AKR1B15: variants seen among roughly 807,000 people sequenced by gnomAD.
AKR1B15 encodes estradiol 17-beta-dehydrogenase AKR1B15.
In AKR1B15, 49 loss-of-function variants were observed where a neutral mutation model predicts 38.5. The observed-to-expected ratio is 1.27, with a 90% CI of 1.01 to 1.62. AKR1B15 has a LOEUF of 1.62. Ranked by LOEUF, AKR1B15 falls within the 40% of genes most tolerant of loss-of-function variation. The pLI, the probability that AKR1B15 is intolerant of heterozygous loss-of-function variation, is 0.00. For missense variants in AKR1B15, 411 were observed against 381.6 expected (o/e 1.08, Z -0.64); for synonymous variants, 137 against 135.5 (o/e 1.01, Z -0.08).
intron 3 of AKR1B15, 129 bp downstream of exon 3, chr7:134,564,898 T>C: frequency 1.9e-6 from 1 of 517,794 alleles, no homozygotes; most frequent in Admixed American, 3.4e-5. Flanking sequence ...CTTTTCTGTC[T>C]AGCTAGAGGA....
intron 1 of AKR1B15, among the ~76,000 whole-genome samples, chr7:134,552,126 A>G (rs1384335245): frequency 6.6e-6 from 1 of 152,174 alleles, no homozygotes; most frequent in African/African-American, 2.4e-5. Flanking sequence ...TAGGACAGAA[A>G]AGAGTAACCC....
chr7:134,564,440 G>A (rs1374669920), intron 2 of AKR1B15, among the ~76,000 whole-genome samples, 158 bp from the exon 3 acceptor site: 1 of 152,062 alleles, frequency 6.6e-6, no homozygotes, highest in East Asian at 1.9e-4. Context: ...ACAGGAAAAG[G>A]CTTCTGAAAT....
intron 2 of AKR1B15, among the ~76,000 whole-genome samples, chr7:134,558,297 C>T (rs1027927069): frequency 6.6e-6 from 1 of 152,228 alleles, no homozygotes; most frequent in South Asian, 2.1e-4. Flanking sequence ...ATCAATTACA[C>T]TGAAATGCCT....
At chr7:134,558,692 G>C (rs1186468507) in intron 2 of AKR1B15, among the ~76,000 whole-genome samples, 7 of 152,160 alleles carry the variant, frequency 4.6e-5, no homozygotes, top group African/African-American at 1.7e-4. Flanking sequence ...ATATTGGCCT[G>C]TCACCTGAGG....
intron 5 of AKR1B15, 89 bp downstream of exon 5, chr7:134,569,618 G>A (rs1794623564): frequency 1.5e-6 from 2 of 1,319,814 alleles, no homozygotes; most frequent in Admixed American, 2.0e-5. Context: ...TGAAGCCATG[G>A]CAGAAGAACA....
intron 5 of AKR1B15, 138 bp downstream of exon 5, chr7:134,569,667 A>T: frequency 1.2e-6 from 1 of 859,492 alleles, no homozygotes; most frequent in Non-Finnish European, 1.8e-6. Context: ...TTAATTCCCC[A>T]CATTAATGTT....
At chr7:134,559,345 A>C (rs1029852699) in intron 2 of AKR1B15, among the ~76,000 whole-genome samples, 6 of 152,160 alleles carry the variant, frequency 3.9e-5, no homozygotes, top group Admixed American at 1.3e-4. Flanking sequence ...TTGGTGGACT[A>C]ATAAGTACAA....
At chr7:134,577,436 A>G (rs1384641257) in intron 10 of AKR1B15, among the ~76,000 whole-genome samples, 1 of 152,170 alleles carries the variant, frequency 6.6e-6, no homozygotes, top group East Asian at 1.9e-4. Context: ...AGCACCTGTC[A>G]TGGAGCACAG....
chr7:134,564,829 A>G (rs940186028), intron 3 of AKR1B15, 60 bp downstream of exon 3: 1 of 555,020 alleles, frequency 1.8e-6, no homozygotes, highest in Non-Finnish European at 3.2e-6. Context: ...TCCTGTTTAG[A>G]TGGGGGATTG....
At chr7:134,570,588 G>A (rs1378236580) in intron 5 of AKR1B15, 1 of 152,098 alleles carries the variant, frequency 6.6e-6, no homozygotes, top group African/African-American at 2.4e-5. Context: ...CCAACACTTA[G>A]GGAAATAGAA....
chr7:134,575,007 G>A (rs921638691), intron 6 of AKR1B15, among the ~76,000 whole-genome samples: 1 of 152,134 alleles, frequency 6.6e-6, no homozygotes, highest in Non-Finnish European at 1.5e-5. Context: ...GGTGTACAAT[G>A]TACACACACA....
At chr7:134,549,517 G>A (rs946458168) in intron 1 of AKR1B15, among the ~76,000 whole-genome samples, 4 of 152,114 alleles carry the variant, frequency 2.6e-5, no homozygotes, top group Admixed American at 6.5e-5. Context: ...AAGGGCTTGC[G>A]CTTGAATTTC....
At chr7:134,549,989 T>C (rs533809891) in intron 1 of AKR1B15, among the ~76,000 whole-genome samples, 3 of 152,168 alleles carry the variant, frequency 2.0e-5, no homozygotes, top group African/African-American at 7.2e-5. Context: ...TGGGGAAGGG[T>C]GTGGAAGACA....
At chr7:134,554,336 T>C (rs1483346522) in intron 1 of AKR1B15, among the ~76,000 whole-genome samples, 1 of 151,906 alleles carries the variant, frequency 6.6e-6, no homozygotes, top group Non-Finnish European at 1.5e-5. Flanking sequence ...CCCAGAATAC[T>C]CCCCAGAGGA....
chr7:134,577,656 A>G (rs1039468495), intron 10 of AKR1B15, 48 bp from the exon 11 acceptor site: 1 of 1,591,808 alleles, frequency 6.3e-7, no homozygotes, highest in Non-Finnish European at 8.6e-7. Context: ...CTCCAGCCAC[A>G]GCAGTAACAG....
chr7:134,573,961 A>G (rs1386658069), intron 6 of AKR1B15, among the ~76,000 whole-genome samples: 2 of 152,190 alleles, frequency 1.3e-5, no homozygotes, highest in African/African-American at 4.8e-5. Context: ...GTACAATGGC[A>G]TGATCATAGC....
chr7:134,575,719 T>C (rs1423616605), intron 7 of AKR1B15, 102 bp from the exon 8 acceptor site: 2 of 1,591,150 alleles, frequency 1.3e-6, no homozygotes, highest in African/African-American at 1.3e-5. Context: ...TGCGCACTTG[T>C]TTGGCCTTTG....
At chr7:134,570,623 A>G (rs1794648471) in intron 5 of AKR1B15, 1 of 152,330 alleles carries the variant, frequency 6.6e-6, no homozygotes, top group Admixed American at 6.5e-5. Context: ...AATAACGATG[A>G]ATTATCAGGG....
intron 2 of AKR1B15, among the ~76,000 whole-genome samples, chr7:134,557,619 G>A (rs1359342653): frequency 1.3e-5 from 2 of 151,426 alleles, no homozygotes; most frequent in Admixed American, 6.6e-5. Flanking sequence ...ATCACTTTGT[G>A]ATAATTTAAG....
Sources: allele counts gnomAD v4.1 joint callset (sites outside exome capture counted in the v4.1 genomes callset), GRCh38; gene constraint gnomAD v4.1.1; transcripts MANE v1.5; gene names NCBI Gene and HGNC (gene_info 2026-07-23, HGNC 2026-07-21).